ABHD6: variants seen among roughly 807,000 people sequenced by gnomAD.
ABHD6 encodes the protein monoacylglycerol lipase ABHD6.
Under a neutral mutation model 38.8 loss-of-function variants are expected in ABHD6, and 33 were observed. That is an observed-to-expected ratio of 0.85 (90% confidence interval 0.64 to 1.14). The LOEUF (loss-of-function observed/expected upper bound fraction) is 1.14. ABHD6 is among the 50% of genes most tolerant of loss of function. The probability of loss-of-function intolerance (pLI) is 0.00; values close to 1 mark genes in which losing one functional copy is unlikely to be tolerated. For synonymous variants in ABHD6, 147 were observed against 161.6 expected (o/e 0.91, Z 0.69); for missense variants, 380 against 422.6 (o/e 0.90, Z 0.88).
Position 58,266,105 on chromosome 3 carries a change from G to A in ABHD6, c.120-1084G>A, listed in dbSNP as rs974757108. The stretch of plus-strand genomic sequence containing the variant: ...CTTTTAAGCTAGCCAATGCTATTAT[G>A]TTCTTTACGTTTTGAGTAGGCAATG... On this transcript the variant is annotated intron_variant, in intron 3 of 9. Transcript: ENST00000478253. This position sits in a 1 kb window ranked among gnomAD's most constrained non-coding sequence, Gnocchi z 4.0. 6.6e-6 allele frequency among the ~76,000 whole-genome samples: 1 copy of A among 152,206 alleles called. No homozygotes were observed. The highest frequency in any genetic ancestry group is 2.1e-4 in the South Asian group (1 of 4,830).
chr3:58,285,392 T>C lies in ABHD6; in HGVS notation c.776T>C (p.Leu259Pro), dbSNP rs998358691. The C allele has an allele frequency of 6.2e-7, 1 of 1,614,012 alleles. No individual in the cohort carries two copies. The highest frequency in any genetic ancestry group is 1.7e-5 in the Admixed American group (1 of 60,006). Residue 259 changes from leucine (L) to proline (P), a missense_variant, in exon 9 of 10, where the codon CTC becomes CCC. Physicochemically the swap from Leu to Pro is moderately conservative, Grantham distance 98. Transcript: ENST00000478253. The surrounding 1 kb of genome is among the most constrained non-coding windows in gnomAD (Gnocchi z 4.9). ...EIVSEKSRYS[L>P]HQNMDKIKVP... ...GTCAGTGAGAAGTCCAGATACTCTC[T>C]CCATCAGAACATGGACAAGATCAAG...
intron 9 of ABHD6, among the ~76,000 whole-genome samples, chr3:58,288,522 G>A (rs2097459153): frequency 6.6e-6 from 1 of 152,182 alleles, no homozygotes; most frequent in South Asian, 2.1e-4. Context: ...TGCCAGCACC[G>A]TGCCTGGTAT....
Position 58,241,509 on chromosome 3 carries a change from CT to C in ABHD6, c.-91+3598del, listed in dbSNP as rs377105006. Among the ~76,000 whole-genome samples, 67 of 152,292 alleles carry C rather than the reference CT, an allele frequency of 4.4e-4. No individual in the cohort carries two copies. In the South Asian group the frequency reaches 0.014, roughly 31 times the overall value. ...CACTGCTGCAGGTTGGGATCCTCTT[CT>C]TTTTAAGTAATATATTAACAGCAGC... On this transcript the variant is annotated intron_variant, in intron 1 of 9. Coordinates refer to ENST00000478253, the MANE Select transcript of ABHD6 (RefSeq NM_001320126.2).
intron 7 of ABHD6, among the ~76,000 whole-genome samples, chr3:58,282,380 A>G (rs1212243284): frequency 1.3e-5 from 2 of 152,282 alleles, no homozygotes; most frequent in East Asian, 3.9e-4. Flanking sequence ...GACAGGATGT[A>G]CAGGCAAATT....
rs2097430054 is a variant in ABHD6, at chr3:58,251,688, G to A, written c.-26+1746G>A. Among the ~76,000 whole-genome samples the A allele has an allele frequency of 6.6e-6, 1 of 152,184 alleles. No homozygotes were observed. The stretch of plus-strand genomic sequence containing the variant: ...AGGATCCTGAGCCTGGGATGTGAGA[G>A]TATGTTTTCCCTGGTGCCAGCATGG... On this transcript the variant is annotated intron_variant, in intron 2 of 9. Transcript: ENST00000478253. This position sits in a 1 kb window ranked among gnomAD's most constrained non-coding sequence, Gnocchi z 5.4.
chr3:58,269,492 TG>T lies in ABHD6; in HGVS notation c.390+59del. On this transcript the variant is annotated intron_variant, in intron 5 of 9. Transcript: ENST00000478253. The surrounding 1 kb of genome is among the most constrained non-coding windows in gnomAD (Gnocchi z 4.4). ...ACTGTCTCAGCCACCATTACATGTC[TG>T]AGTCTGGAGAGCAGGGAAGGGAGTC... The T allele has an allele frequency of 7.4e-7, 1 of 1,357,404 alleles. No individual in the cohort carries two copies. Among genetic ancestry groups the T allele is most frequent in the South Asian group, 1.2e-5 (1 of 83,080 alleles). 84.1% of individuals were successfully genotyped at this position (1,357,404 alleles called of 1,614,324 possible). A position where few individuals can be genotyped will look rare whatever the true frequency, so the allele number is the denominator to read the frequency against.
chr3:58,279,179 C>T (rs1010655512), intron 7 of ABHD6, among the ~76,000 whole-genome samples: 1 of 152,156 alleles, frequency 6.6e-6, no homozygotes, highest in Non-Finnish European at 1.5e-5. Flanking sequence ...TCTCATTGAT[C>T]TGTCTAGTAT....
At chr3:58,240,956 C>T (rs1193350157) in intron 1 of ABHD6, among the ~76,000 whole-genome samples, 1 of 151,970 alleles carries the variant, frequency 6.6e-6, no homozygotes, top group African/African-American at 2.4e-5. Context: ...TCTCGAACTC[C>T]CGACCTCAGG....
rs1559784446 is a variant in ABHD6 at position 58,286,852 on chromosome 3, G to GCA, written c.837+1399_837+1400insCA. Among the ~76,000 whole-genome samples the GCA allele has an allele frequency of 3.8e-4, 27 of 70,636 alleles. 3 individuals are homozygous for GCA. The highest frequency in any genetic ancestry group is 8.0e-4 in the African/African-American group (17 of 21,152). 46.3% of individuals were successfully genotyped at this position (70,636 alleles called of 152,430 possible). ...TGTGTGTGTGTGTGTGTGTGTGTGT[G>GCA]TATATATATATATATATGTATATGT... On this transcript the variant is annotated intron_variant, in intron 9 of 9. Coordinates refer to ENST00000478253, the MANE Select transcript of ABHD6 (RefSeq NM_001320126.2).
At chr3:58,289,809 C>T (rs1365079464) in intron 9 of ABHD6, among the ~76,000 whole-genome samples, 3 of 151,774 alleles carry the variant, frequency 2.0e-5, no homozygotes, top group South Asian at 2.1e-4. Context: ...CCAGTAGGGG[C>T]GGCCAGGCAG....
At chr3:58,279,795 A>G (rs1397815945) in intron 7 of ABHD6, among the ~76,000 whole-genome samples, 3 of 152,188 alleles carry the variant, frequency 2.0e-5, no homozygotes, top group Non-Finnish European at 2.9e-5. Flanking sequence ...GTGGTGACAG[A>G]ATCTCTCAGC....
chr3:58,286,870 G>GTGTATATATATATATATATATATATATA lies in ABHD6; in HGVS notation c.837+1418_837+1419insGTATATATATATATATATATATATATAT, dbSNP rs2097457742. Among the ~76,000 whole-genome samples the GTGTATATATATATATATATATATATATA allele has an allele frequency of 5.3e-5, 4 of 75,058 alleles. 1 individual carries two copies. Among genetic ancestry groups the GTGTATATATATATATATATATATATATA allele is most frequent in the East Asian group, 3.1e-3 (2 of 640 alleles). The allele number at this position is 75,058 out of a possible 152,430, so 49.2% of individuals were successfully genotyped here. A position where few individuals can be genotyped will look rare whatever the true frequency, so the allele number is the denominator to read the frequency against. On this transcript the variant is annotated intron_variant, in intron 9 of 9. Coordinates refer to ENST00000478253, the MANE Select transcript of ABHD6 (RefSeq NM_001320126.2). ...TGTGTGTGTATATATATATATATAT[G>GTGTATATATATATATATATATATATATA]TATATGTATATATAAGTAGGTATCT...
rs770889691 is a variant in ABHD6, at chr3:58,266,487, C to CTCTCACATTT, written c.120-700_120-691dup. On this transcript the variant is annotated intron_variant, in intron 3 of 9. Transcript: ENST00000478253. The surrounding 1 kb of genome is among the most constrained non-coding windows in gnomAD (Gnocchi z 4.0). The stretch of plus-strand genomic sequence containing the variant: ...AACAAAAAAAAAAACCTTATGTATG[C>CTCTCACATTT]TCTCACATTTTTTGTATGCGGATAA... 1.3e-5 allele frequency among the ~76,000 whole-genome samples: 2 copies of CTCTCACATTT among 151,432 alleles called. No homozygotes were observed. Among genetic ancestry groups the CTCTCACATTT allele is most frequent in the African/African-American group, 4.9e-5 (2 of 41,214 alleles).
intron 2 of ABHD6, among the ~76,000 whole-genome samples, chr3:58,252,770 C>T (rs2107429653): frequency 6.6e-6 from 1 of 152,178 alleles, no homozygotes; most frequent in East Asian, 1.9e-4. Flanking sequence ...GTTCATAATG[C>T]TTCAGTTTGT....
rs1242071076 is a variant in ABHD6 at position 58,294,124 on chromosome 3, T to A, written c.*359T>A. 1 of 183,654 alleles carries A rather than the reference T, an allele frequency of 5.4e-6. No individual in the cohort carries two copies. Among genetic ancestry groups the A allele is most frequent in the Non-Finnish European group, 1.1e-5 (1 of 87,988 alleles). The allele number at this position is 183,654 out of a possible 1,614,324, so 11.4% of individuals were successfully genotyped here. A position where few individuals can be genotyped will look rare whatever the true frequency, so the allele number is the denominator to read the frequency against. The stretch of plus-strand genomic sequence containing the variant: ...TGAGACATTCCTTATAGTTGGAGAC[T>A]CAAGATATTTTTGTTGCATCAGGTG... On this transcript the variant is annotated 3_prime_UTR_variant, in exon 10 of 10. Transcript: ENST00000478253.
At chr3:58,271,424 C>T (rs866073583) in intron 6 of ABHD6, among the ~76,000 whole-genome samples, 13 of 151,968 alleles carry the variant, frequency 8.6e-5, no homozygotes, top group Admixed American at 2.6e-4. Flanking sequence ...TTACTATTAA[C>T]ATCCAACATT....
In ABHD6 at chr3:58,274,704, A is replaced by G. The variant is rs1202817925; in HGVS notation, c.570A>G (p.Glu190=). 11 of 1,614,262 alleles carry G rather than the reference A, an allele frequency of 6.8e-6. No homozygotes were observed. The highest frequency in any genetic ancestry group is 1.3e-5 in the African/African-American group (1 of 75,070). The stretch of plus-strand genomic sequence containing the variant: ...ATCAATTTGTACAACGGCTCAAAGA[A>G]CTGCAGGGCTCTGCCGCCGTGGAGA... ...TDNQFVQRLK[E]LQGSAAVEKI... is the part of the protein sequence containing the mutation. The change falls in exon 7 of 10, where the codon GAA becomes GAG. Residue 190 remains glutamate (E), a synonymous_variant. Coordinates refer to ENST00000478253, the MANE Select transcript of ABHD6 (RefSeq NM_001320126.2).
At position 58,269,482 on chromosome 3, in the gene ABHD6, A is replaced by G. The variant is rs751510505; in HGVS notation, c.390+48A>G. 8.4e-6 allele frequency: 12 copies of G among 1,420,482 alleles called. No homozygotes were observed. Among genetic ancestry groups the G allele is most frequent in the Admixed American group, 1.7e-5 (1 of 57,380 alleles). The allele number at this position is 1,420,482 out of a possible 1,614,324, so 88.0% of individuals were successfully genotyped here. A position where few individuals can be genotyped will look rare whatever the true frequency, so the allele number is the denominator to read the frequency against. ...GATTGCCCAGACTGTCTCAGCCACC[A>G]TTACATGTCTGAGTCTGGAGAGCAG... On this transcript the variant is annotated intron_variant, in intron 5 of 9. Transcript: ENST00000478253. The surrounding 1 kb of genome is among the most constrained non-coding windows in gnomAD (Gnocchi z 4.4).
chr3:58,246,166 G>T (rs528795284), intron 1 of ABHD6, among the ~76,000 whole-genome samples: 2 of 152,172 alleles, frequency 1.3e-5, no homozygotes, highest in East Asian at 3.9e-4. Flanking sequence ...CTCCTTAAAC[G>T]TAAAGGGTCA....
Sources: gnomAD v4.1 joint callset for allele counts (sites outside exome capture counted in the v4.1 genomes callset) on GRCh38, gnomAD v4.1.1 for gene constraint, Gnocchi (gnomAD v3.1) non-coding constraint, MANE v1.5 for transcripts, NCBI Gene and HGNC (gene_info 2026-07-23, HGNC 2026-07-21) for gene names.